NEK1: variants seen among roughly 807,000 people sequenced by gnomAD.
NEK1 encodes the protein serine/threonine-protein kinase Nek1.
A neutral mutation model predicts 182.1 loss-of-function variants in NEK1; 137 were observed. The observed-to-expected ratio is 0.75, with a 90% CI of 0.65 to 0.87. The LOEUF is 0.87. NEK1 is among the 40% of genes least tolerant of loss of function. The pLI is 0.00. For missense variants in NEK1, 1,391 were observed against 1,494.4 expected, an observed-to-expected ratio of 0.93 and a Z score of 1.14; for synonymous variants, 513 against 492.2, an observed-to-expected ratio of 1.04 and a Z score of -0.56.
At chr4:169,466,824 G>T (rs1745017544) in intron 26 of NEK1, among the ~76,000 whole-genome samples, 1 of 151,022 alleles carries the variant, frequency 6.6e-6, no homozygotes, top group Admixed American at 6.6e-5. Context: ...TCTTTTTAAA[G>T]AATAAATGAC....
chr4:169,535,071 G>T (rs1197723234), intron 19 of NEK1, among the ~76,000 whole-genome samples: 1 of 152,176 alleles, frequency 6.6e-6, no homozygotes. Context: ...TGTAATCTCA[G>T]CAATTTGGGA....
At chr4:169,436,314 G>A (rs928464536) in intron 28 of NEK1, among the ~76,000 whole-genome samples, 1 of 152,246 alleles carries the variant, frequency 6.6e-6, no homozygotes, top group Non-Finnish European at 1.5e-5. Flanking sequence ...AAAAGCCTAT[G>A]TGCACTGGCT....
chr4:169,522,879 T>C (rs1322853103), intron 19 of NEK1, among the ~76,000 whole-genome samples: 1 of 152,192 alleles, frequency 6.6e-6, no homozygotes, highest in Non-Finnish European at 1.5e-5. Flanking sequence ...TTGTTTAATA[T>C]TGTTTTTTGT....
At position 169,591,774 on chromosome 4, in the gene NEK1, G is replaced by A. The variant is rs1768552912; in HGVS notation, c.313-965C>T. ...ATGACATAAAATGCTTAAGTCATAC[G>A]AAAAAGACTGATAAAGTTGACTACA... On this transcript the variant is annotated intron_variant, in intron 5 of 35. Coordinates refer to ENST00000507142, the MANE Select transcript of NEK1 (RefSeq NM_001199397.3). 2.0e-5 allele frequency among the ~76,000 whole-genome samples: 3 copies of A among 152,118 alleles called. No individual in the cohort carries two copies. In the South Asian group the frequency reaches 6.2e-4, roughly 32 times the overall value.
chr4:169,469,572 G>T (rs1433165754), intron 26 of NEK1, among the ~76,000 whole-genome samples: 4 of 152,172 alleles, frequency 2.6e-5, no homozygotes, highest in Non-Finnish European at 5.9e-5. Flanking sequence ...GTGCTATGTG[G>T]TGCTGAGAAG....
intron 16 of NEK1, 128 bp downstream of exon 16, chr4:169,561,352 A>G: frequency 1.3e-6 from 1 of 765,314 alleles, no homozygotes; most frequent in Non-Finnish European, 2.2e-6. Context: ...TAAATGTTAA[A>G]GAATTCTAGG....
At chr4:169,555,872 T>G in intron 17 of NEK1, 21 bp from the exon 18 acceptor site, 1 of 1,613,784 alleles carries the variant, frequency 6.2e-7, no homozygotes, top group East Asian at 2.2e-5. Context: ...ATATGCACAG[T>G]GACTTTCATT....
chr4:169,553,988 G>A (rs1761790450), intron 18 of NEK1: 1 of 152,088 alleles, frequency 6.6e-6, no homozygotes, highest in African/African-American at 2.4e-5. Flanking sequence ...CATCCTCTTG[G>A]CATCTGTTTA....
intron 26 of NEK1, among the ~76,000 whole-genome samples, chr4:169,473,028 G>A (rs1746291889): frequency 6.6e-6 from 1 of 151,976 alleles, no homozygotes; most frequent in Non-Finnish European, 1.5e-5. Context: ...GGAGATGGAG[G>A]GAGGAGGATT....
intron 4 of NEK1, among the ~76,000 whole-genome samples, chr4:169,599,503 A>G (rs1770114781): frequency 6.6e-6 from 1 of 152,238 alleles, no homozygotes; most frequent in Admixed American, 6.5e-5. Context: ...ATTTCATTCA[A>G]TAAATACAAT....
chr4:169,508,398 A>AT (rs892319269), intron 20 of NEK1, 67 bp from the exon 21 acceptor site: 75 of 1,309,298 alleles, frequency 5.7e-5, no homozygotes, highest in Non-Finnish European at 6.2e-5. Context: ...TTACTGCTAG[A>AT]TTTTTTTTAA....
At chr4:169,402,711 T>C (rs1261389179) in intron 32 of NEK1, among the ~76,000 whole-genome samples, 1 of 152,206 alleles carries the variant, frequency 6.6e-6, no homozygotes, top group Non-Finnish European at 1.5e-5. Flanking sequence ...ATGAAAACTA[T>C]GAACCAAAAT....
At chr4:169,560,684 A>G (rs1034720291) in intron 16 of NEK1, among the ~76,000 whole-genome samples, 1 of 152,176 alleles carries the variant, frequency 6.6e-6, no homozygotes, top group South Asian at 2.1e-4. Context: ...TGAATAAAAG[A>G]GGAAGTATAA....
chr4:169,409,815 G>T (rs1166908532), intron 31 of NEK1, among the ~76,000 whole-genome samples: 2 of 152,144 alleles, frequency 1.3e-5, no homozygotes, highest in African/African-American at 4.8e-5. Context: ...TCTTGCAGGT[G>T]TAAGGTGGTA....
At chr4:169,497,700 C>T (rs11931803) in intron 23 of NEK1, among the ~76,000 whole-genome samples, 18,577 of 152,078 alleles carry the variant, frequency 0.12, 1,259 homozygotes, top group East Asian at 0.17. Context: ...TCAGTTTCCA[C>T]GTAGTTGAGC....
rs536031484 is a variant in NEK1 at position 169,482,272 on chromosome 4, G to A, written c.2008-2738C>T. ...AAGCTTTCTCCATATCAGCAAGAAGGCTGTTTTGCTTTCTTTCTTTCTTTT... is the reference window on the plus strand; with the variant it reads ...AAGCTTTCTCCATATCAGCAAGAAGACTGTTTTGCTTTCTTTCTTTCTTTT... On this transcript the variant is annotated intron_variant, in intron 23 of 35. Coordinates refer to ENST00000507142, the MANE Select transcript of NEK1 (RefSeq NM_001199397.3). Among the ~76,000 whole-genome samples the A allele has an allele frequency of 4.6e-5, 7 of 152,190 alleles. No homozygotes were observed. In the South Asian group the frequency reaches 1.2e-3, roughly 27 times the overall value.
At chr4:169,593,012 CATCTT>C (rs1768799957) in intron 5 of NEK1, among the ~76,000 whole-genome samples, 1 of 152,084 alleles carries the variant, frequency 6.6e-6, no homozygotes, top group Admixed American at 6.5e-5. Context: ...AAATGGAACA[CATCTT>C]AGAAACCACT....
At chr4:169,403,405 A>G (rs1278909437) in intron 32 of NEK1, among the ~76,000 whole-genome samples, 1 of 151,998 alleles carries the variant, frequency 6.6e-6, no homozygotes, top group Non-Finnish European at 1.5e-5. Flanking sequence ...CCTCTAGAAA[A>G]AAAATTGCAA....
chr4:169,493,955 C>T (rs1041691179), intron 23 of NEK1, among the ~76,000 whole-genome samples: 3 of 152,116 alleles, frequency 2.0e-5, no homozygotes, highest in Non-Finnish European at 2.9e-5. Context: ...CAGTGAGATA[C>T]TATATAAGAT....
Sources: gnomAD v4.1 joint callset for allele counts (sites outside exome capture counted in the v4.1 genomes callset) on GRCh38, gnomAD v4.1.1 for gene constraint, MANE v1.5 for transcripts, NCBI Gene and HGNC (gene_info 2026-07-23, HGNC 2026-07-21) for gene names.